Variants in MTA3 observed in about 807,000 individuals in gnomAD.
The protein encoded by MTA3 is metastasis-associated protein MTA3.
MTA3 carries 34 observed loss-of-function variants against 83.5 expected under a neutral mutation model. That is an observed-to-expected ratio of 0.41 (90% CI 0.31 to 0.54). MTA3 has a LOEUF of 0.54. MTA3 is among the 20% of genes least tolerant of loss of function. The pLI is 0.33. For synonymous variants in MTA3, 303 were observed against 252.7 expected (o/e 1.20, Z -1.89); for missense variants, 761 against 726.4 (o/e 1.05, Z -0.55).
intron 2 of MTA3, among the ~76,000 whole-genome samples, chr2:42,538,207 T>C (rs2173007): frequency 0.36 from 54,864 of 151,908 alleles, 10,040 homozygotes; most frequent in South Asian, 0.41. Context: ...GACTCCAGCC[T>C]GGGCGACACA....
intron 2 of MTA3, among the ~76,000 whole-genome samples, chr2:42,515,024 C>T (rs1675076978): frequency 6.6e-6 from 1 of 151,284 alleles, no homozygotes; most frequent in African/African-American, 2.4e-5. Context: ...ATATGTATGC[C>T]TGTGTTTATT....
intron 2 of MTA3, among the ~76,000 whole-genome samples, chr2:42,530,215 C>A (rs1675896037): frequency 6.6e-6 from 1 of 150,612 alleles, no homozygotes; most frequent in African/African-American, 2.4e-5. Flanking sequence ...CCATTGCCGG[C>A]ATGGTGGCTC....
At chr2:42,633,885 T>A (rs1342122897) in intron 4 of MTA3, among the ~76,000 whole-genome samples, 1 of 149,268 alleles carries the variant, frequency 6.7e-6, no homozygotes, top group Non-Finnish European at 1.5e-5. Flanking sequence ...CGAGACTCTG[T>A]CTCAAAAAAA....
intron 2 of MTA3, among the ~76,000 whole-genome samples, chr2:42,558,814 C>T (rs1275609186): frequency 6.6e-6 from 1 of 151,990 alleles, no homozygotes; most frequent in Non-Finnish European, 1.5e-5. Context: ...CTCAGCCTCC[C>T]AAAGTGCTAG....
Position 42,625,483 on chromosome 2 carries a change from A to G in MTA3, c.318-14690A>G, listed in dbSNP as rs937173296. The stretch of plus-strand genomic sequence containing the variant: ...TTTTATGGGCCGGGCACAGTGGCTT[A>G]TGCCTTTAATCCCAGCACTTTGGGA... On this transcript the variant is annotated intron_variant, in intron 4 of 16. Transcript: ENST00000405094. Among the ~76,000 whole-genome samples the G allele has an allele frequency of 2.4e-4, 36 of 151,226 alleles. 2 individuals carry two copies. The highest frequency in any genetic ancestry group is 8.8e-4 in the African/African-American group (36 of 40,848).
At chr2:42,508,837 T>A (rs1264331164) in intron 2 of MTA3, among the ~76,000 whole-genome samples, 1 of 146,684 alleles carries the variant, frequency 6.8e-6, no homozygotes, top group Admixed American at 6.9e-5. Context: ...ATATATAATA[T>A]TAAATATATT....
chr2:42,675,464 G>A (rs1691257704), intron 8 of MTA3, among the ~76,000 whole-genome samples: 1 of 152,016 alleles, frequency 6.6e-6, no homozygotes, highest in South Asian at 2.1e-4. Context: ...TTTAAATTGA[G>A]GTATACATAT....
At chr2:42,690,407 G>T (rs1343438080) in intron 9 of MTA3, among the ~76,000 whole-genome samples, 1 of 151,862 alleles carries the variant, frequency 6.6e-6, no homozygotes, top group East Asian at 1.9e-4. Flanking sequence ...ATGATGTGAT[G>T]TTTCTTTTTC....
At chr2:42,753,038 C>T (rs145939781) in intron 16 of MTA3, among the ~76,000 whole-genome samples, 20 of 152,152 alleles carry the variant, frequency 1.3e-4, no homozygotes, top group Non-Finnish European at 2.5e-4. Context: ...AGTCCTCCCC[C>T]CTCAGCCTCC....
intron 9 of MTA3, among the ~76,000 whole-genome samples, chr2:42,687,355 T>C (rs577270270): frequency 6.6e-5 from 10 of 152,372 alleles, no homozygotes; most frequent in Middle Eastern, 3.4e-3. Flanking sequence ...ATAATGCATC[T>C]GGTATTCATC....
chr2:42,659,208 G>T (rs1478643316), intron 7 of MTA3, among the ~76,000 whole-genome samples: 2 of 152,190 alleles, frequency 1.3e-5, no homozygotes, highest in Non-Finnish European at 2.9e-5. Flanking sequence ...TAAGGTTAGG[G>T]TTTCTTACAT....
upstream of MTA3, among the ~76,000 whole-genome samples, chr2:42,564,012 A>T (rs1677791908): frequency 6.6e-6 from 1 of 151,074 alleles, no homozygotes; most frequent in South Asian, 2.1e-4. Flanking sequence ...TTTAGTAGAG[A>T]TGGCGTTTCA....
At chr2:42,636,400 C>G (rs1408849695) in intron 4 of MTA3, among the ~76,000 whole-genome samples, 1 of 151,816 alleles carries the variant, frequency 6.6e-6, no homozygotes, top group Non-Finnish European at 1.5e-5. Flanking sequence ...AAAATTAGCT[C>G]TGCGTGTGGC....
At position 42,632,468 on chromosome 2, in the gene MTA3, C is replaced by T. The variant is rs562980068; in HGVS notation, c.318-7705C>T. Among the ~76,000 whole-genome samples the T allele has an allele frequency of 3.3e-5, 5 of 152,256 alleles. No homozygotes were observed. In the South Asian group the frequency reaches 8.3e-4, roughly 25 times the overall value. On this transcript the variant is annotated intron_variant, in intron 4 of 16. Transcript: ENST00000405094. ...TGTTGTGGAACCTCTGAGAGATTTT[C>T]CTGGTGGTCAGAGTGATTCATTTGC... is the stretch of plus-strand genomic sequence containing the variant.
intron 4 of MTA3, among the ~76,000 whole-genome samples, chr2:42,621,825 C>T (rs1017346313): frequency 1.3e-5 from 2 of 151,796 alleles, no homozygotes; most frequent in Non-Finnish European, 2.9e-5. Context: ...GGGGTCGTGG[C>T]CGGGCAGAGG....
At chr2:42,725,940 C>G (rs13421678) in intron 16 of MTA3, among the ~76,000 whole-genome samples, 1 of 152,120 alleles carries the variant, frequency 6.6e-6, no homozygotes, top group East Asian at 1.9e-4. Context: ...TCTTGTGTTA[C>G]GAATGGACCT....
intron 4 of MTA3, among the ~76,000 whole-genome samples, chr2:42,618,990 A>G (rs1007126556): frequency 2.0e-5 from 3 of 152,176 alleles, no homozygotes; most frequent in African/African-American, 4.8e-5. Flanking sequence ...GAGCCTCATT[A>G]CTTGCATTGG....
At chr2:42,503,537 A>T (rs529966681) in intron 2 of MTA3, among the ~76,000 whole-genome samples, 1 of 152,178 alleles carries the variant, frequency 6.6e-6, no homozygotes, top group East Asian at 1.9e-4. Context: ...GCTCTGGTTC[A>T]AACACCTCTG....
intron 5 of MTA3, among the ~76,000 whole-genome samples, chr2:42,643,356 T>G (rs1687877953): frequency 6.6e-6 from 1 of 152,182 alleles, no homozygotes; most frequent in Admixed American, 6.5e-5. Context: ...GGACTTCTGC[T>G]TCTGGTTCAG....
Sources: allele counts gnomAD v4.1 joint callset (sites outside exome capture counted in the v4.1 genomes callset), GRCh38; gene constraint gnomAD v4.1.1; transcripts MANE v1.5; gene names NCBI Gene and HGNC (gene_info 2026-07-23, HGNC 2026-07-21).